Variants in WDR76 observed in about 807,000 individuals in gnomAD.
WDR76 encodes WD repeat-containing protein 76.
WDR76 carries 52 observed loss-of-function variants against 70.2 expected under a neutral mutation model. The observed-to-expected ratio is 0.74, with a 90% CI of 0.59 to 0.93. The LOEUF (loss-of-function observed/expected upper bound fraction) is 0.93. Ranked by LOEUF, WDR76 falls within the 40% of genes least tolerant of loss-of-function variation. The pLI, the probability that WDR76 is intolerant of heterozygous loss-of-function variation, is 0.00. For synonymous variants in WDR76, 292 were observed against 271.1 expected (o/e 1.08, Z -0.76); for missense variants, 756 against 760.2 (o/e 0.99, Z 0.07).
At position 43,828,019 on chromosome 15, in the gene WDR76, C is replaced by G. The variant is rs767613108; in HGVS notation, c.115C>G (p.Gln39Glu). 2 of 1,613,904 alleles carry G rather than the reference C, an allele frequency of 1.2e-6. No homozygotes were observed. The highest frequency in any genetic ancestry group is 1.1e-5 in the South Asian group (1 of 90,978). ...NIAYVSLRPAQTTVLIKTAKV... is the reference protein window; with the variant it reads ...NIAYVSLRPAETTVLIKTAKV... ...CGCTTATGTGTCTCTGAGACCAGCACAGACTACAGTTTTAATAAAAACAGC... is the reference window on the plus strand; with the variant it reads ...CGCTTATGTGTCTCTGAGACCAGCAGAGACTACAGTTTTAATAAAAACAGC... Residue 39 changes from glutamine (Q) to glutamate (E), a missense_variant, in exon 2 of 13, where the codon CAG becomes GAG. Transcript: ENST00000263795.
intron 9 of WDR76, among the ~76,000 whole-genome samples, chr15:43,855,453 T>C (rs2087916108): frequency 6.6e-6 from 1 of 152,230 alleles, no homozygotes; most frequent in Admixed American, 6.5e-5. Context: ...AGTTTTCATT[T>C]GTATATATTG....
In WDR76 at chr15:43,858,731, T is replaced by G; in HGVS notation, c.1470T>G (p.Ser490=). The G allele has an allele frequency of 6.2e-7, 1 of 1,614,242 alleles. No individual in the cohort carries two copies. The highest frequency in any genetic ancestry group is 8.5e-7 in the Non-Finnish European group (1 of 1,180,036). Residue 490 remains serine, a synonymous_variant, in exon 11 of 13, where the codon TCT becomes TCG. Coordinates refer to ENST00000263795, the MANE Select transcript of WDR76 (RefSeq NM_024908.4). ...LNSRRSQPLI[S]LTEHTKSIAS... is the part of the protein sequence containing the mutation. ...CCAGGAGAAGTCAGCCTTTGATTTC[T>G]TTGACTGAACATACAAAGAGCATTG...
At chr15:43,849,280 T>C (rs1429971868) in intron 8 of WDR76, among the ~76,000 whole-genome samples, 1 of 152,112 alleles carries the variant, frequency 6.6e-6, no homozygotes, top group Non-Finnish European at 1.5e-5. Flanking sequence ...GCATAATGAC[T>C]ACAATTGCTT....
In WDR76 at chr15:43,839,676, G is replaced by A; in HGVS notation, c.680G>A (p.Gly227Glu). The change falls in exon 5 of 13, where the codon GGA becomes GAA. Residue 227 changes from glycine (G) to glutamate (E), a missense_variant. By Grantham distance (98) the Gly-to-Glu change is moderately conservative (BLOSUM62 -2). Transcript: ENST00000263795. ...SMRLLKVDPS[G>E]VSLPAAPTPP... ...CGATTACTAAAAGTTGATCCTTCGGGAGTTTCATTACCAGCAGCTCCAACA... is the reference window on the plus strand; with the variant it reads ...CGATTACTAAAAGTTGATCCTTCGGAAGTTTCATTACCAGCAGCTCCAACA... 6.2e-7 allele frequency: 1 copy of A among 1,612,546 alleles called. No homozygotes were observed. The highest frequency in any genetic ancestry group is 1.1e-5 in the South Asian group (1 of 90,892).
rs759756560 is a variant in WDR76 at position 43,828,143 on chromosome 15, C to A, written c.239C>A (p.Ala80Glu). 3.1e-6 allele frequency: 5 copies of A among 1,613,886 alleles called. No individual in the cohort carries two copies. The change falls in exon 2 of 13, where the codon GCG becomes GAG. Residue 80 changes from alanine (A) to glutamate (E), a missense_variant. Transcript: ENST00000263795. ...LSEKNSNNEV[A>E]CKKTKIKKTC... ...GAAAAGAATTCTAACAATGAAGTGG[C>A]GTGTAAGAAGACTAAAATAAAGAAA...
chr15:43,866,475 G>C lies in WDR76; in HGVS notation c.*83G>C, dbSNP rs2088073241. ...AATCGGCGTGCCTTAGTGTGTTTAT[G>C]TGGTAATGTGTTACATTTAGCAATT... On this transcript the variant is annotated 3_prime_UTR_variant, in exon 13 of 13. Coordinates refer to ENST00000263795, the MANE Select transcript of WDR76 (RefSeq NM_024908.4). The C allele has an allele frequency of 6.9e-7, 1 of 1,448,378 alleles. No individual in the cohort carries two copies. The highest frequency in any genetic ancestry group is 9.5e-7 in the Non-Finnish European group (1 of 1,051,500). The allele number at this position is 1,448,378 out of a possible 1,614,324, so 89.7% of individuals were successfully genotyped here. A position where few individuals can be genotyped will look rare whatever the true frequency, so the allele number is the denominator to read the frequency against.
In WDR76 at chr15:43,865,337, A is replaced by G. The variant is rs1034322268; in HGVS notation, c.1617-791A>G. ...GCCCAGGCTGGAATGCAGTGGTGCA[A>G]TCTTGGCTCACTGTAGCCTCCATCT... On this transcript the variant is annotated intron_variant, in intron 12 of 12. Coordinates refer to ENST00000263795, the MANE Select transcript of WDR76 (RefSeq NM_024908.4). Among the ~76,000 whole-genome samples, 9 of 152,050 alleles carry G rather than the reference A, an allele frequency of 5.9e-5. No homozygotes were observed. The South Asian group carries it at 8.3e-4, about 14-fold the overall frequency.
Position 43,827,980 on chromosome 15 carries a change from GA to G in WDR76, c.80del (p.Asn27IlefsTer9). ...ATCTGAATAGGTAAATGAATATAAA[GA>G]AAATCAAAACATCGCTTATGTGTCT... ...RPQMKVNEYK[E>X]NQNIAYVSLR... On this transcript the variant is annotated frameshift_variant, in exon 2 of 13. Transcript: ENST00000263795. LOFTEE classifies it high-confidence loss of function. 1 of 1,604,490 alleles carries G rather than the reference GA, an allele frequency of 6.2e-7. No homozygotes were observed. Among genetic ancestry groups the G allele is most frequent in the African/African-American group, 1.3e-5 (1 of 74,350 alleles).
Position 43,846,274 on chromosome 15 carries a change from TAG to T in WDR76, c.1032+2224_1032+2225del, listed in dbSNP as rs1323152716. ...ATGAAAGAACTGGAGAAGCATTGGA[TAG>T]AGACTTTTTTTTTTTTTTCCCGCCC... On this transcript the variant is annotated intron_variant, in intron 8 of 12. Coordinates refer to ENST00000263795, the MANE Select transcript of WDR76 (RefSeq NM_024908.4). 8.1e-5 allele frequency among the ~76,000 whole-genome samples: 10 copies of T among 122,894 alleles called. 2 individuals carry two copies. The highest frequency in any genetic ancestry group is 1.5e-4 in the Non-Finnish European group (8 of 53,830). 80.6% of individuals were successfully genotyped at this position (122,894 alleles called of 152,430 possible). A position where few individuals can be genotyped will look rare whatever the true frequency, so the allele number is the denominator to read the frequency against.
At chr15:43,866,003 A>C in intron 12 of WDR76, 125 bp from the exon 13 acceptor site, 2 of 1,176,340 alleles carry the variant, frequency 1.7e-6, no homozygotes, top group Non-Finnish European at 2.4e-6. Context: ...GTAACTCAGT[A>C]ACTTAATGAG....
chr15:43,850,539 C>T (rs906947305), intron 8 of WDR76, among the ~76,000 whole-genome samples: 11 of 152,126 alleles, frequency 7.2e-5, no homozygotes, highest in African/African-American at 1.9e-4. Flanking sequence ...TCGTGATCCG[C>T]CCGCCTTGGC....
At position 43,828,356 on chromosome 15, in the gene WDR76, C is replaced by T. The variant is rs1320372741; in HGVS notation, c.452C>T (p.Thr151Ile). 1.9e-6 allele frequency: 3 copies of T among 1,603,996 alleles called. No homozygotes were observed. The highest frequency in any genetic ancestry group is 2.6e-6 in the Non-Finnish European group (3 of 1,175,550). Residue 151 changes from threonine to isoleucine, a missense_variant, in exon 2 of 13, where the codon ACA (threonine) becomes ATA (isoleucine). Thr to Ile is a moderately conservative substitution (Grantham distance 89). Coordinates refer to ENST00000263795, the MANE Select transcript of WDR76 (RefSeq NM_024908.4). ...SQDGDSDEDT[T>I]PSLDFSGLSP... is the part of the protein sequence containing the mutation. ...GATGGAGACAGTGATGAAGATACCA[C>T]ACCATCCCTGGTAAGAACTTAATTA... is the stretch of plus-strand genomic sequence containing the variant.
At chr15:43,835,990 C>T (rs1235012327) in intron 3 of WDR76, among the ~76,000 whole-genome samples, 171 bp from the exon 4 acceptor site, 3 of 147,832 alleles carry the variant, frequency 2.0e-5, no homozygotes, top group Non-Finnish European at 4.5e-5. Flanking sequence ...GGTCTCGCTG[C>T]GTTGCCCAGG....
intron 12 of WDR76, 147 bp downstream of exon 12, chr15:43,861,533 C>G: frequency 1.3e-6 from 1 of 795,430 alleles, no homozygotes; most frequent in Non-Finnish European, 2.0e-6. Context: ...TTGCTAGTTC[C>G]TATCCAGAAG....
At chr15:43,830,902 G>A (rs1364575478) in intron 2 of WDR76, among the ~76,000 whole-genome samples, 1 of 151,986 alleles carries the variant, frequency 6.6e-6, no homozygotes, top group Non-Finnish European at 1.5e-5. Flanking sequence ...ACAAATATTA[G>A]CCAGGCATGG....
chr15:43,827,346 TTAAA>T (rs1383991859), intron 1 of WDR76, among the ~76,000 whole-genome samples: 1 of 152,222 alleles, frequency 6.6e-6, no homozygotes, highest in Non-Finnish European at 1.5e-5. Flanking sequence ...TTCACACTCT[TTAAA>T]TAATTCCAGA....
rs139292711 is a variant in WDR76 at position 43,866,421 on chromosome 15, C to T, written c.*29C>T. ...TTTGGTTTAGGAACATCAATTTGTT[C>T]AAATTGACCACTGTCTAAGGAGCCT... On this transcript the variant is annotated 3_prime_UTR_variant, in exon 13 of 13. Transcript: ENST00000263795. 1.2e-6 allele frequency: 2 copies of T among 1,609,900 alleles called. No homozygotes were observed. Among genetic ancestry groups the T allele is most frequent in the Non-Finnish European group, 1.7e-6 (2 of 1,176,868 alleles).
chr15:43,831,990 G>A (rs1459012744), intron 2 of WDR76, among the ~76,000 whole-genome samples: 3 of 152,010 alleles, frequency 2.0e-5, no homozygotes, highest in Non-Finnish European at 4.4e-5. Flanking sequence ...CTCGTGATCT[G>A]CCGGCTTCAG....
intron 12 of WDR76, chr15:43,863,803 C>T (rs1245298141): frequency 6.6e-6 from 1 of 152,274 alleles, no homozygotes; most frequent in Non-Finnish European, 1.5e-5. Context: ...AGCCGATCCT[C>T]CCACGTGGGC....
Sources: gnomAD v4.1 joint callset for allele counts (sites outside exome capture counted in the v4.1 genomes callset) on GRCh38, gnomAD v4.1.1 for gene constraint, MANE v1.5 for transcripts, NCBI Gene and HGNC (gene_info 2026-07-23, HGNC 2026-07-21) for gene names.